Variants in BLK observed in about 807,000 individuals in gnomAD.
BLK encodes the protein tyrosine-protein kinase Blk.
Under a neutral mutation model 61.8 loss-of-function variants are expected in BLK, and 64 were observed. That is an observed-to-expected ratio of 1.03 (90% CI 0.85 to 1.27). The LOEUF is 1.27. Among genes scored for constraint, BLK ranks in the 50% most tolerant of loss-of-function variants. The probability of loss-of-function intolerance (pLI) is 0.00; values close to 1 mark genes in which losing one functional copy is unlikely to be tolerated. For synonymous variants in BLK, 351 were observed against 272.0 expected (o/e 1.29, Z -2.86); for missense variants, 853 against 660.5 (o/e 1.29, Z -3.19).
chr8:11,510,209 T>C (rs931986598), intron 1 of BLK, among the ~76,000 whole-genome samples: 2 of 152,166 alleles, frequency 1.3e-5, no homozygotes, highest in African/African-American at 2.4e-5. Context: ...AAACATTCAT[T>C]TGGGGGCTGG....
chr8:11,534,757 C>T (rs1211530285), intron 1 of BLK, among the ~76,000 whole-genome samples: 2 of 152,240 alleles, frequency 1.3e-5, no homozygotes, highest in Admixed American at 6.5e-5. Context: ...CTAGGTCAGC[C>T]TTTTGCAGGG....
intron 1 of BLK, among the ~76,000 whole-genome samples, chr8:11,530,913 G>A (rs1799858692): frequency 6.6e-6 from 1 of 152,216 alleles, no homozygotes; most frequent in Admixed American, 6.5e-5. Context: ...CACAGGTTAA[G>A]AAGCTCCCAA....
At chr8:11,554,980 C>T in intron 7 of BLK, 91 bp downstream of exon 7, 2 of 1,531,534 alleles carry the variant, frequency 1.3e-6, no homozygotes, top group Non-Finnish European at 8.8e-7. Context: ...TCATTGGTGC[C>T]ACCTTGGGGG....
At chr8:11,516,269 A>G (rs1362439769) in intron 1 of BLK, among the ~76,000 whole-genome samples, 2 of 152,214 alleles carry the variant, frequency 1.3e-5, no homozygotes, top group African/African-American at 4.8e-5. Flanking sequence ...TCTCACTGAC[A>G]GCCACAGTAA....
chr8:11,518,502 C>G (rs1463105106), intron 1 of BLK, among the ~76,000 whole-genome samples: 1 of 152,110 alleles, frequency 6.6e-6, no homozygotes. Context: ...CTGAAGGTCA[C>G]TGTCACGCTG....
At chr8:11,513,370 C>T (rs555858016) in intron 1 of BLK, among the ~76,000 whole-genome samples, 29 of 152,260 alleles carry the variant, frequency 1.9e-4, no homozygotes, top group South Asian at 1.9e-3. Flanking sequence ...AGTGGAGAGA[C>T]GAAGAGAAAC....
chr8:11,547,475 C>T (rs1421149454), intron 3 of BLK, among the ~76,000 whole-genome samples: 1 of 152,216 alleles, frequency 6.6e-6, no homozygotes, highest in East Asian at 1.9e-4. Flanking sequence ...TGCCTTCCAT[C>T]CAGGGCCCGC....
At chr8:11,544,066 G>T (rs1425696492) in intron 2 of BLK, among the ~76,000 whole-genome samples, 1 of 151,648 alleles carries the variant, frequency 6.6e-6, no homozygotes, top group Non-Finnish European at 1.5e-5. Context: ...GGATTCAAGT[G>T]ATTCTCGTAC....
chr8:11,510,894 G>A (rs1798976423), intron 1 of BLK, among the ~76,000 whole-genome samples: 1 of 152,154 alleles, frequency 6.6e-6, no homozygotes, highest in Non-Finnish European at 1.5e-5. Context: ...TTGCTAATGT[G>A]TTAAAGTACG....
chr8:11,530,299 A>C (rs1295857913), intron 1 of BLK, among the ~76,000 whole-genome samples: 1 of 152,202 alleles, frequency 6.6e-6, no homozygotes, highest in Non-Finnish European at 1.5e-5. Context: ...GTCCCAACAA[A>C]GCTTGGAGTT....
rs200875749 is a variant in BLK at position 11,554,839 on chromosome 8, C to T, written c.569C>T (p.Ser190Phe). The change falls in exon 7 of 13, where the codon TCC becomes TTC. Residue 190 changes from serine (S) to phenylalanine (F), a missense_variant. Coordinates refer to ENST00000259089, the MANE Select transcript of BLK (RefSeq NM_001715.3). ...RCLDEGGYYI[S>F]PRITFPSLQA... is the part of the protein sequence containing the mutation. ...CTGGATGAAGGGGGCTACTACATCT[C>T]CCCCCGGATCACCTTCCCCTCGCTC... 1.2e-6 allele frequency: 2 copies of T among 1,613,764 alleles called. No individual in the cohort carries two copies. Among genetic ancestry groups the T allele is most frequent in the South Asian group, 1.1e-5 (1 of 91,068 alleles).
intron 1 of BLK, among the ~76,000 whole-genome samples, chr8:11,503,745 G>A (rs1798653911): frequency 6.6e-6 from 1 of 152,166 alleles, no homozygotes; most frequent in African/African-American, 2.4e-5. Flanking sequence ...GAGGATGGAA[G>A]AGGTCACTCT....
At chr8:11,524,452 T>G (rs1043849836) in intron 1 of BLK, among the ~76,000 whole-genome samples, 3 of 152,254 alleles carry the variant, frequency 2.0e-5, no homozygotes, top group African/African-American at 7.2e-5. Flanking sequence ...CACTTTTTTG[T>G]AAGCCAGCTC....
chr8:11,507,277 G>A (rs1387081272), intron 1 of BLK, among the ~76,000 whole-genome samples: 1 of 152,192 alleles, frequency 6.6e-6, no homozygotes, highest in Non-Finnish European at 1.5e-5. Context: ...AAGGACGATG[G>A]ACTAGGATTG....
At chr8:11,536,836 G>A (rs1800152503) in intron 1 of BLK, among the ~76,000 whole-genome samples, 1 of 152,174 alleles carries the variant, frequency 6.6e-6, no homozygotes, top group African/African-American at 2.4e-5. Flanking sequence ...TCTTTTTGCT[G>A]AGCTCACAAA....
At chr8:11,535,303 AG>A (rs934840486) in intron 1 of BLK, among the ~76,000 whole-genome samples, 1 of 145,924 alleles carries the variant, frequency 6.9e-6, no homozygotes, top group African/African-American at 2.5e-5. Context: ...AAAGAAAGAA[AG>A]AAAGAAAGAA....
chr8:11,546,645 A>G (rs2117471998), intron 3 of BLK, among the ~76,000 whole-genome samples: 1 of 152,142 alleles, frequency 6.6e-6, no homozygotes, highest in Non-Finnish European at 1.5e-5. Flanking sequence ...ACCCAACCTC[A>G]GCTCACTGCA....
intron 1 of BLK, among the ~76,000 whole-genome samples, chr8:11,526,347 C>T (rs902097357): frequency 6.6e-6 from 1 of 152,280 alleles, no homozygotes; most frequent in East Asian, 1.9e-4. Flanking sequence ...GAAGTTAACA[C>T]CTGCTCACAA....
chr8:11,530,317 C>A (rs1034434830), intron 1 of BLK, among the ~76,000 whole-genome samples: 3 of 152,186 alleles, frequency 2.0e-5, no homozygotes, highest in African/African-American at 7.2e-5. Context: ...GTTCCTGGGC[C>A]TGTCAGAAAG....
Sources: allele counts gnomAD v4.1 joint callset (sites outside exome capture counted in the v4.1 genomes callset), GRCh38; gene constraint gnomAD v4.1.1; transcripts MANE v1.5; gene names NCBI Gene and HGNC (gene_info 2026-07-23, HGNC 2026-07-21).